The following GPHN variants were observed in gnomAD, a reference collection of about 807,000 sequenced individuals.
GPHN encodes gephyrin.
In GPHN, 17 loss-of-function variants were observed where a neutral mutation model predicts 95.5. The ratio of observed to expected loss-of-function variants is 0.18; its 90% CI spans 0.12 to 0.27. GPHN has a LOEUF of 0.27. GPHN is among the 10% of genes least tolerant of loss of function. GPHN has a pLI of 1.00. For missense variants in GPHN, 660 were observed against 978.1 expected, an observed-to-expected ratio of 0.67 and a Z score of 4.34; for synonymous variants, 320 against 322.5, an observed-to-expected ratio of 0.99 and a Z score of 0.08.
the GPHN span, among the ~76,000 whole-genome samples, chr14:67,424,244 AAAAT>A: frequency 1.3e-5 from 2 of 151,648 alleles, no homozygotes; most frequent in African/African-American, 2.4e-5. Context: ...CTCTGTCTCA[AAAAT>A]AAATAAATAA....
At chr14:67,592,847 G>C in the GPHN span, 1 of 594,304 alleles carries the variant, frequency 1.7e-6, no homozygotes, top group African/African-American at 1.9e-5. Flanking sequence ...GTGCAGTGGC[G>C]CAATCTCGGC....
At chr14:67,343,548 A>G in the GPHN span, 1 of 810,148 alleles carries the variant, frequency 1.2e-6, no homozygotes, top group African/African-American at 1.7e-5. Flanking sequence ...AACCAAGACA[A>G]CTTCTTTTTG....
At chr14:67,311,250 G>T in the GPHN span, among the ~76,000 whole-genome samples, 1 of 148,406 alleles carries the variant, frequency 6.7e-6, no homozygotes, top group Admixed American at 6.9e-5. Flanking sequence ...GATGGAGTTT[G>T]CAGTGAGCCA....
chr14:67,578,158 C>G, the GPHN span: 44 of 1,613,842 alleles, frequency 2.7e-5, no homozygotes, highest in Non-Finnish European at 3.7e-5. This position sits in a 1 kb window ranked among gnomAD's most constrained non-coding sequence, Gnocchi z 5.0. Flanking sequence ...ACTCATGAAG[C>G]AGACCAGCTG....
At chr14:67,567,715 A>G in the GPHN span, among the ~76,000 whole-genome samples, 3,246 of 152,014 alleles carry the variant, frequency 0.021, 113 homozygotes, top group African/African-American at 0.074. Flanking sequence ...CTGGGATGAC[A>G]CCCTGATAGG....
chr14:66,553,163 C>A (rs146983289), intron 1 of GPHN, among the ~76,000 whole-genome samples: 1 of 151,686 alleles, frequency 6.6e-6, no homozygotes, highest in Non-Finnish European at 1.5e-5. Flanking sequence ...CTAATTTTTT[C>A]TATTTTTATT....
chr14:66,808,941 G>T (rs762542801), intron 3 of GPHN, among the ~76,000 whole-genome samples: 2 of 152,174 alleles, frequency 1.3e-5, no homozygotes, highest in Non-Finnish European at 1.5e-5. Flanking sequence ...ATGAACAAAT[G>T]TACTAAATGT....
the GPHN span, among the ~76,000 whole-genome samples, chr14:67,545,366 A>T: frequency 6.6e-6 from 1 of 152,238 alleles, no homozygotes; most frequent in Admixed American, 6.5e-5. Context: ...TTCTATTTAT[A>T]TGAGAAAGAA....
At chr14:67,708,781 C>T in the GPHN span, among the ~76,000 whole-genome samples, 1 of 150,130 alleles carries the variant, frequency 6.7e-6, no homozygotes, top group Admixed American at 6.7e-5. Flanking sequence ...TCTAGGGAAC[C>T]TATTAATAAT....
At chr14:67,387,826 T>C in the GPHN span, among the ~76,000 whole-genome samples, 1 of 152,366 alleles carries the variant, frequency 6.6e-6, no homozygotes, top group South Asian at 2.1e-4. Context: ...GTTTAACTTA[T>C]TGGAACCCCA....
chr14:67,687,579 C>A, the GPHN span, among the ~76,000 whole-genome samples: 2 of 148,212 alleles, frequency 1.3e-5, no homozygotes, highest in African/African-American at 5.0e-5. Context: ...TCAAGCAATT[C>A]TCCTGCCTCA....
the GPHN span, among the ~76,000 whole-genome samples, chr14:67,527,246 C>T: frequency 6.6e-6 from 1 of 152,188 alleles, no homozygotes; most frequent in Non-Finnish European, 1.5e-5. Context: ...GCTATCTGAG[C>T]TTAGCCATGA....
intron 1 of GPHN, among the ~76,000 whole-genome samples, chr14:66,554,703 A>G (rs921218228): frequency 2.0e-5 from 3 of 152,206 alleles, no homozygotes; most frequent in South Asian, 2.1e-4. Flanking sequence ...AAGCTAAACC[A>G]TATCAGCTGT....
intron 1 of GPHN, among the ~76,000 whole-genome samples, chr14:66,670,504 C>T (rs931286220): frequency 5.9e-5 from 9 of 152,018 alleles, no homozygotes; most frequent in Non-Finnish European, 1.0e-4. Flanking sequence ...GGTTAGTAAA[C>T]GTTTTCTGCC....
Position 66,637,399 on chromosome 14 carries a change from TAAG to T in GPHN, c.65-43703_65-43701del, listed in dbSNP as rs2064158751. Reference sequence around the variant, plus strand: ...GATTCAGGGAATGAAATCCTTTTCTTAAGAAGATAAGATTAAAATTTTATGTCA... The same window carrying T: ...GATTCAGGGAATGAAATCCTTTTCTTAAGATAAGATTAAAATTTTATGTCA... On this transcript the variant is annotated intron_variant, in intron 1 of 22. Transcript: ENST00000478722. Among the ~76,000 whole-genome samples the T allele has an allele frequency of 2.0e-5, 3 of 152,138 alleles. No homozygotes were observed. In the South Asian group the frequency reaches 6.2e-4, roughly 32 times the overall value.
intron 10 of GPHN, among the ~76,000 whole-genome samples, chr14:67,052,301 A>C (rs1025180960): frequency 1.3e-5 from 2 of 152,170 alleles, no homozygotes; most frequent in Non-Finnish European, 2.9e-5. Flanking sequence ...CAGGGGTTGC[A>C]ATCCTAGTGT....
At chr14:66,530,031 C>T (rs986843670) in intron 1 of GPHN, among the ~76,000 whole-genome samples, 1 of 152,158 alleles carries the variant, frequency 6.6e-6, no homozygotes, top group Non-Finnish European at 1.5e-5. Flanking sequence ...TTTAAGTCTG[C>T]TGAAGCTGTG....
the GPHN span, among the ~76,000 whole-genome samples, chr14:67,187,993 G>T: frequency 6.6e-6 from 1 of 152,164 alleles, no homozygotes; most frequent in African/African-American, 2.4e-5. Context: ...GTCCAGCATG[G>T]CATGGTGCCC....
intron 12 of GPHN, among the ~76,000 whole-genome samples, chr14:67,089,777 C>T (rs541014777): frequency 7.8e-4 from 118 of 152,212 alleles, no homozygotes; most frequent in African/African-American, 1.9e-3. Context: ...AAAATTCTGG[C>T]GCCCCAGCAG....
Sources: allele counts gnomAD v4.1 joint callset (sites outside exome capture counted in the v4.1 genomes callset), GRCh38; gene constraint gnomAD v4.1.1; non-coding constraint Gnocchi (gnomAD v3.1); transcripts MANE v1.5; gene names NCBI Gene and HGNC (gene_info 2026-07-23, HGNC 2026-07-21).